STK33: variants seen among roughly 807,000 people sequenced by gnomAD.
STK33 encodes serine/threonine kinase 33.
STK33 carries 52 observed loss-of-function variants against 58.0 expected under a neutral mutation model. That is an observed-to-expected ratio of 0.90 (90% CI 0.72 to 1.13). The LOEUF is 1.13. Ranked by LOEUF, STK33 falls within the 50% of genes most tolerant of loss-of-function variation. The pLI is 0.00. For missense variants in STK33, 630 were observed against 604.2 expected (o/e 1.04, Z -0.45); for synonymous variants, 215 against 200.1 (o/e 1.07, Z -0.63).
chr11:8,532,331 A>G, intron 1 of STK33, among the ~76,000 whole-genome samples: 1 of 152,260 alleles, frequency 6.6e-6, no homozygotes. Context: ...TTATTGGAAT[A>G]CATACAGGTT....
intron 6 of STK33, chr11:8,466,036 T>C (rs1270035586): frequency 6.6e-6 from 1 of 152,050 alleles, no homozygotes; most frequent in African/African-American, 2.4e-5. Flanking sequence ...TAGAACAACA[T>C]GGAAAAGACC....
intron 11 of STK33, among the ~76,000 whole-genome samples, chr11:8,444,715 ATAAAT>A (rs1269063672): frequency 6.6e-6 from 1 of 152,170 alleles, no homozygotes; most frequent in Non-Finnish European, 1.5e-5. Context: ...CTAGAAAAAC[ATAAAT>A]TATCAAAATG....
chr11:8,440,402 G>A (rs1169093726), intron 12 of STK33, among the ~76,000 whole-genome samples: 3 of 152,028 alleles, frequency 2.0e-5, no homozygotes, highest in South Asian at 2.1e-4. Context: ...CAAAGGATAC[G>A]GAAGGTGTTA....
At chr11:8,531,690 C>A (rs1181528421) in intron 1 of STK33, among the ~76,000 whole-genome samples, 1 of 152,196 alleles carries the variant, frequency 6.6e-6, no homozygotes, top group African/African-American at 2.4e-5. Flanking sequence ...CGGGAAAAAG[C>A]TGCATAGCCT....
intron 1 of STK33, among the ~76,000 whole-genome samples, chr11:8,582,869 G>C (rs1467038119): frequency 6.6e-6 from 1 of 152,164 alleles, no homozygotes; most frequent in Non-Finnish European, 1.5e-5. Flanking sequence ...CCACAACATA[G>C]CATCAGTAGT....
At chr11:8,396,326 T>C (rs1849333228) in intron 15 of STK33, among the ~76,000 whole-genome samples, 1 of 152,194 alleles carries the variant, frequency 6.6e-6, no homozygotes, top group African/African-American at 2.4e-5. Flanking sequence ...ATGATCTCAA[T>C]ATGCAAATGT....
At chr11:8,584,914 CAAAG>C (rs1295770335) in intron 1 of STK33, among the ~76,000 whole-genome samples, 3 of 142,226 alleles carry the variant, frequency 2.1e-5, no homozygotes, top group African/African-American at 8.0e-5. Context: ...AGACAAAAGA[CAAAG>C]AAAATGATTT....
At chr11:8,500,795 T>C (rs1044403192) in intron 1 of STK33, among the ~76,000 whole-genome samples, 2 of 152,198 alleles carry the variant, frequency 1.3e-5, no homozygotes, top group African/African-American at 4.8e-5. Flanking sequence ...TTCAAAACTA[T>C]AGTAATCCAA....
chr11:8,509,563 G>T (rs1477401806), intron 1 of STK33, among the ~76,000 whole-genome samples: 1 of 152,110 alleles, frequency 6.6e-6, no homozygotes, highest in African/African-American at 2.4e-5. Flanking sequence ...CTGGTTACAT[G>T]AATAAGTTCC....
At chr11:8,445,060 T>C (rs1323428629) in intron 11 of STK33, among the ~76,000 whole-genome samples, 1 of 152,246 alleles carries the variant, frequency 6.6e-6, no homozygotes, top group Non-Finnish European at 1.5e-5. Context: ...TCTTATTTCC[T>C]TGTGCAGTGG....
chr11:8,518,813 T>C (rs140468112), intron 1 of STK33, among the ~76,000 whole-genome samples: 25,855 of 152,068 alleles, frequency 0.17, 2,652 homozygotes, highest in South Asian at 0.31. Flanking sequence ...TATATGCACC[T>C]AATACAGGAG....
the STK33 span, among the ~76,000 whole-genome samples, chr11:8,372,602 T>G: frequency 6.6e-6 from 1 of 152,268 alleles, no homozygotes; most frequent in Non-Finnish European, 1.5e-5. Flanking sequence ...ATTTGAGGCC[T>G]GCTCTTCATG....
chr11:8,335,817 G>A, the STK33 span, among the ~76,000 whole-genome samples: 1 of 152,120 alleles, frequency 6.6e-6, no homozygotes, highest in Non-Finnish European at 1.5e-5. Context: ...ATTCTTCTAT[G>A]GTGATGAGTC....
At chr11:8,530,972 C>T (rs1476839370) in intron 1 of STK33, among the ~76,000 whole-genome samples, 15 of 151,892 alleles carry the variant, frequency 9.9e-5, no homozygotes, top group Non-Finnish European at 1.8e-4. Flanking sequence ...ATTACAGGCG[C>T]GAGCCACCAC....
At chr11:8,504,803 A>C (rs1951755369) in intron 1 of STK33, among the ~76,000 whole-genome samples, 1 of 152,122 alleles carries the variant, frequency 6.6e-6, no homozygotes, top group Admixed American at 6.5e-5. Context: ...GTCCCTAAAA[A>C]AAAGGAAAAT....
chr11:8,523,829 C>T (rs986530353), intron 1 of STK33, among the ~76,000 whole-genome samples: 6 of 152,346 alleles, frequency 3.9e-5, no homozygotes, highest in African/African-American at 1.4e-4. Context: ...TACCCAACAG[C>T]TCATTGAGAA....
intron 1 of STK33, among the ~76,000 whole-genome samples, chr11:8,553,174 A>ATATATATATATATATATATATGGTGTG (rs1565346811): frequency 2.9e-5 from 2 of 67,834 alleles, no homozygotes; most frequent in Non-Finnish European, 5.2e-5. Context: ...TAAAATATAT[A>ATATATATATATATATATATATGGTGTG]TATATATATA....
At chr11:8,336,140 G>T in the STK33 span, among the ~76,000 whole-genome samples, 1 of 152,256 alleles carries the variant, frequency 6.6e-6, no homozygotes, top group African/African-American at 2.4e-5. Context: ...ATCCCGAGCT[G>T]GTCCTGCTGC....
intron 5 of STK33, among the ~76,000 whole-genome samples, chr11:8,473,782 T>G (rs376183543): frequency 9.2e-5 from 14 of 152,014 alleles, no homozygotes; most frequent in African/African-American, 3.1e-4. Flanking sequence ...GAAGGCAAAA[T>G]TTTGAGGAAT....
Sources: allele counts gnomAD v4.1 joint callset (sites outside exome capture counted in the v4.1 genomes callset), GRCh38; gene constraint gnomAD v4.1.1; transcripts MANE v1.5; gene names NCBI Gene and HGNC (gene_info 2026-07-23, HGNC 2026-07-21).